The following DGKH variants were observed in gnomAD, a reference collection of about 807,000 sequenced individuals.
DGKH encodes DAG kinase eta.
A neutral mutation model predicts 159.3 loss-of-function variants in DGKH; 90 were observed. That is an observed-to-expected ratio of 0.57 (90% CI 0.48 to 0.67). DGKH has a LOEUF of 0.67. DGKH is among the 30% of genes least tolerant of loss of function. The pLI, the probability that DGKH is intolerant of heterozygous loss-of-function variation, is 0.00. For synonymous variants in DGKH, 536 were observed against 553.8 expected, an observed-to-expected ratio of 0.97 and a Z score of 0.45; for missense variants, 1,181 against 1,506.1, an observed-to-expected ratio of 0.78 and a Z score of 3.57.
In DGKH at chr13:42,155,472, A is replaced by C. The variant is rs555895059; in HGVS notation, c.489+77A>C. 1.2e-4 allele frequency: 187 copies of C among 1,500,302 alleles called. No homozygotes were observed. In the African/African-American group the frequency reaches 2.5e-3, roughly 20 times the overall value. The allele number at this position is 1,500,302 out of a possible 1,614,324, so 92.9% of individuals were successfully genotyped here. A position where few individuals can be genotyped will look rare whatever the true frequency, so the allele number is the denominator to read the frequency against. On this transcript the variant is annotated intron_variant, in intron 4 of 29. Transcript: ENST00000337343. ...CCAAAGGGCTAGAGCTCTACCGTGC[A>C]AACATAAGTATGTGTACACTCATTC...
chr13:42,137,013 T>G (rs1955415766), intron 3 of DGKH, among the ~76,000 whole-genome samples: 1 of 151,782 alleles, frequency 6.6e-6, no homozygotes, highest in Non-Finnish European at 1.5e-5. Flanking sequence ...ATGAGCAGAG[T>G]GGGTTTTAGT....
chr13:42,219,155 G>C (rs1380898795), intron 26 of DGKH, 75 bp from the exon 27 acceptor site: 5 of 1,574,776 alleles, frequency 3.2e-6, no homozygotes, highest in Non-Finnish European at 4.3e-6. Context: ...CACTGTCAAA[G>C]TACAATGATT....
intron 6 of DGKH, 40 bp downstream of exon 6, chr13:42,159,412 C>T (rs781155225): frequency 7.4e-7 from 1 of 1,349,086 alleles, no homozygotes; most frequent in South Asian, 1.2e-5. Context: ...CCCACTAACT[C>T]CTCTTTTATG....
rs144030106 is a variant in DGKH, at chr13:42,069,231, T to C, written c.192+20266T>C. On this transcript the variant is annotated intron_variant, in intron 1 of 29. Coordinates refer to ENST00000337343, the MANE Select transcript of DGKH (RefSeq NM_178009.5). ...TGTCTAAGTAACTAGTGTGTTTTCC[T>C]TCTTAACTTGTTCATCCTTTCTTAC... 2.4e-3 allele frequency: 2,793 copies of C among 1,159,564 alleles called. 51 individuals are homozygous for C. In the African/African-American group the frequency reaches 0.038, roughly 16 times the overall value. The allele number at this position is 1,159,564 out of a possible 1,614,324, so 71.8% of individuals were successfully genotyped here.
At chr13:42,119,500 G>A (rs2137821670) in intron 1 of DGKH, among the ~76,000 whole-genome samples, 1 of 152,328 alleles carries the variant, frequency 6.6e-6, no homozygotes. Flanking sequence ...TGAACACGGT[G>A]AGATGGCTCT....
intron 1 of DGKH, among the ~76,000 whole-genome samples, chr13:42,059,671 A>G (rs2137662772): frequency 6.6e-6 from 1 of 152,254 alleles, no homozygotes; most frequent in East Asian, 1.9e-4. Flanking sequence ...TAATCTTGAA[A>G]TATCTTTCTA....
At chr13:42,189,379 A>G (rs1957010098) in intron 15 of DGKH, 70 bp downstream of exon 15, 12 of 1,590,634 alleles carry the variant, frequency 7.5e-6, no homozygotes, top group Non-Finnish European at 8.6e-6. Context: ...CGGAGTTTCC[A>G]TAGTGGTCAG....
At chr13:42,087,020 C>T (rs531315998) in intron 1 of DGKH, among the ~76,000 whole-genome samples, 41 of 144,748 alleles carry the variant, frequency 2.8e-4, no homozygotes, top group African/African-American at 1.0e-3. Context: ...GAAAATTGTT[C>T]GAGGAAAGAA....
At chr13:42,221,147 C>T in intron 28 of DGKH, 117 bp from the exon 29 acceptor site, 1 of 1,355,430 alleles carries the variant, frequency 7.4e-7, no homozygotes. Flanking sequence ...CACCTTTAAC[C>T]TTTTCTTTTG....
chr13:42,199,985 T>A (rs915520088), intron 20 of DGKH, 76 bp downstream of exon 20: 1 of 1,256,524 alleles, frequency 8.0e-7, no homozygotes, highest in Non-Finnish European at 1.1e-6. Flanking sequence ...TAATTTGACC[T>A]AAATGCGTTT....
intron 11 of DGKH, among the ~76,000 whole-genome samples, chr13:42,170,118 A>G (rs559146227): frequency 6.6e-6 from 1 of 152,356 alleles, no homozygotes; most frequent in Admixed American, 6.5e-5. Context: ...CTTCCCAGAC[A>G]ACTGTCCAAT....
chr13:42,112,213 A>G (rs965437975), intron 1 of DGKH, among the ~76,000 whole-genome samples: 2 of 152,060 alleles, frequency 1.3e-5, no homozygotes, highest in African/African-American at 4.8e-5. Flanking sequence ...AAACCTCTAG[A>G]ATATTAAATA....
chr13:42,201,772 A>G (rs539918042), intron 20 of DGKH, among the ~76,000 whole-genome samples: 1 of 152,346 alleles, frequency 6.6e-6, no homozygotes, highest in East Asian at 1.9e-4. Context: ...TTATGTTGCT[A>G]AAGAATAATA....
At position 42,141,329 on chromosome 13, in the gene DGKH, T is replaced by C. The variant is rs542603042; in HGVS notation, c.384+11697T>C. On this transcript the variant is annotated intron_variant, in intron 3 of 29. Coordinates refer to ENST00000337343, the MANE Select transcript of DGKH (RefSeq NM_178009.5). ...GTTGGGCATTTGGGTTGGTTTCAAG[T>C]CTGCTATTGTGAATAGTGCTGCAGC... Among the ~76,000 whole-genome samples the C allele has an allele frequency of 1.6e-4, 25 of 152,194 alleles. No homozygotes were observed. The South Asian group carries it at 5.2e-3, about 32-fold the overall frequency.
intron 17 of DGKH, among the ~76,000 whole-genome samples, chr13:42,198,272 A>C (rs1375526773): frequency 6.6e-6 from 1 of 152,210 alleles, no homozygotes; most frequent in Non-Finnish European, 1.5e-5. Flanking sequence ...TTATGATAAC[A>C]TATAGATCCT....
At chr13:42,142,104 TTC>T (rs1269552071) in intron 3 of DGKH, among the ~76,000 whole-genome samples, 2 of 151,944 alleles carry the variant, frequency 1.3e-5, no homozygotes, top group Non-Finnish European at 2.9e-5. Context: ...AGTTTCAGCT[TTC>T]TACATATGGC....
intron 1 of DGKH, chr13:42,069,617 A>G: frequency 6.9e-7 from 1 of 1,450,094 alleles, no homozygotes; most frequent in Non-Finnish European, 9.5e-7. Context: ...TCACATTTTG[A>G]TTTTCTTTTC....
At chr13:42,050,607 C>T (rs1881204132) in intron 1 of DGKH, among the ~76,000 whole-genome samples, 1 of 152,034 alleles carries the variant, frequency 6.6e-6, no homozygotes, top group African/African-American at 2.4e-5. Context: ...TAGGGACTTT[C>T]CTAAAAGTGT....
intron 21 of DGKH, among the ~76,000 whole-genome samples, chr13:42,207,014 T>TCTTTCTTTCTTTCTTC (rs1957498039): frequency 1.4e-5 from 2 of 144,560 alleles, no homozygotes; most frequent in Non-Finnish European, 3.0e-5. Flanking sequence ...TTTCTTTCTT[T>TCTTTCTTTCTTTCTTC]CTTTCTTTCT....
Sources: allele counts gnomAD v4.1 joint callset (sites outside exome capture counted in the v4.1 genomes callset), GRCh38; gene constraint gnomAD v4.1.1; transcripts MANE v1.5; gene names NCBI Gene and HGNC (gene_info 2026-07-23, HGNC 2026-07-21).